Variants in MAEA observed in about 807,000 individuals in gnomAD.
MAEA encodes the protein E3 ubiquitin-protein transferase MAEA.
Under a neutral mutation model 46.2 loss-of-function variants are expected in MAEA, and 22 were observed. The ratio of observed to expected loss-of-function variants is 0.48; its 90% confidence interval spans 0.34 to 0.68. The LOEUF (loss-of-function observed/expected upper bound fraction) is 0.68, where lower values mean the gene tolerates loss of function less well. MAEA is among the 30% of genes least tolerant of loss of function. MAEA has a pLI of 0.01. For synonymous variants in MAEA, 246 were observed against 222.6 expected, an observed-to-expected ratio of 1.11 and a Z score of -0.94; for missense variants, 393 against 558.1, an observed-to-expected ratio of 0.70 and a Z score of 2.98.
intron 4 of MAEA, among the ~76,000 whole-genome samples, chr4:1,325,768 G>T (rs1738735235): frequency 6.6e-6 from 1 of 152,148 alleles, no homozygotes; most frequent in African/African-American, 2.4e-5. Context: ...GCTGACCGAA[G>T]TCTGCCTGCT....
intron 1 of MAEA, among the ~76,000 whole-genome samples, chr4:1,290,431 C>T (rs79718265): frequency 0.012 from 1,841 of 152,304 alleles, 32 homozygotes; most frequent in African/African-American, 0.042. Flanking sequence ...GGAGAAACCT[C>T]ACGGCCTGAT....
chr4:1,293,085 G>A (rs1268581379), intron 1 of MAEA, among the ~76,000 whole-genome samples: 7 of 152,016 alleles, frequency 4.6e-5, no homozygotes, highest in Non-Finnish European at 7.4e-5. Flanking sequence ...TAGTAGAGAC[G>A]TGGTTTCTCC....
chr4:1,325,704 C>T (rs545352314), intron 4 of MAEA, among the ~76,000 whole-genome samples: 1 of 151,932 alleles, frequency 6.6e-6, no homozygotes, highest in South Asian at 2.1e-4. Flanking sequence ...TCTATCTCTT[C>T]CCGCTGGCCC....
At chr4:1,323,198 A>G (rs752447218) in intron 4 of MAEA, among the ~76,000 whole-genome samples, 19 of 151,544 alleles carry the variant, frequency 1.3e-4, no homozygotes, top group Admixed American at 3.9e-4. Flanking sequence ...ACCTGCCTCA[A>G]CCTCCCAAAG....
chr4:1,307,221 C>G (rs1001993353), intron 1 of MAEA, among the ~76,000 whole-genome samples: 1 of 152,202 alleles, frequency 6.6e-6, no homozygotes, highest in Non-Finnish European at 1.5e-5. Context: ...AGCGTAGACA[C>G]CGTTCCGTAA....
chr4:1,326,304 A>G (rs28412861), intron 4 of MAEA, among the ~76,000 whole-genome samples: 24,600 of 152,264 alleles, frequency 0.16, 2,601 homozygotes, highest in African/African-American at 0.3. Flanking sequence ...GTGAACCCAG[A>G]GTGACACGCG....
chr4:1,300,948 C>T (rs1203209022), intron 1 of MAEA, among the ~76,000 whole-genome samples: 4 of 152,148 alleles, frequency 2.6e-5, no homozygotes, highest in East Asian at 1.9e-4. Flanking sequence ...AGGAAGCCAC[C>T]GTGATTACAT....
intron 1 of MAEA, among the ~76,000 whole-genome samples, chr4:1,304,725 C>T (rs1735671472): frequency 6.6e-6 from 1 of 152,178 alleles, no homozygotes; most frequent in South Asian, 2.1e-4. Flanking sequence ...AGGCATGAAC[C>T]ACCACGCCCG....
At chr4:1,298,158 C>G in intron 1 of MAEA, 1 of 444,814 alleles carries the variant, frequency 2.2e-6, no homozygotes, top group Non-Finnish European at 4.6e-6. Flanking sequence ...GCCCCCCATG[C>G]CTGCCCCGTC....
chr4:1,337,418 C>T (rs1712929796), intron 7 of MAEA: 2 of 238,824 alleles, frequency 8.4e-6, no homozygotes, highest in Admixed American at 5.5e-5. Context: ...CTGTCCCTGC[C>T]TGTGACTGAC....
intron 5 of MAEA, 167 bp from the exon 6 acceptor site, chr4:1,332,590 A>G: frequency 1.8e-6 from 1 of 565,824 alleles, no homozygotes; most frequent in Non-Finnish European, 3.2e-6. Flanking sequence ...GGTGCTGCAC[A>G]TCTGCGGTCT....
chr4:1,312,172 C>T lies in MAEA; in HGVS notation c.252+11C>T. Reference sequence around the variant, plus strand: ...GTCCTCAAGAGGAAGGTTGGTCCCGCCTGGCGGTCCCTCTTCAGTCTGGGG... The same window carrying T: ...GTCCTCAAGAGGAAGGTTGGTCCCGTCTGGCGGTCCCTCTTCAGTCTGGGG... On this transcript the variant is annotated intron_variant, in intron 2 of 8. Transcript: ENST00000303400. The T allele has an allele frequency of 6.2e-7, 1 of 1,613,758 alleles. No individual in the cohort carries two copies. Among genetic ancestry groups the T allele is most frequent in the Non-Finnish European group, 8.5e-7 (1 of 1,180,000 alleles).
chr4:1,336,191 TC>T (rs1712733177), intron 6 of MAEA, among the ~76,000 whole-genome samples: 1 of 150,378 alleles, frequency 6.6e-6, no homozygotes, highest in Admixed American at 6.6e-5. Flanking sequence ...ATCAGAGAGT[TC>T]CAGCACTCGT....
Position 1,338,575 on chromosome 4 carries a change from T to C in MAEA, c.1053T>C (p.Asn351=), listed in dbSNP as rs1577251897. ...CTGGCGACGTGATGAACGAGAACAA[T>C]CCGCCCATGATGCTGCCCAACGGCT... The part of the protein sequence containing the change: ...KISGDVMNEN[N]PPMMLPNGYV... The change falls in exon 8 of 9, where the codon AAT becomes AAC. Residue 351 remains asparagine, a synonymous_variant. Transcript: ENST00000303400. The C allele has an allele frequency of 6.2e-7, 1 of 1,612,930 alleles. No individual in the cohort carries two copies. Among genetic ancestry groups the C allele is most frequent in the Non-Finnish European group, 8.5e-7 (1 of 1,179,894 alleles).
intron 5 of MAEA, chr4:1,330,946 T>A (rs974949393): frequency 2.6e-5 from 4 of 152,164 alleles, no homozygotes; most frequent in Non-Finnish European, 5.9e-5. Flanking sequence ...GTTTGATTGA[T>A]GGTGAGATAA....
In MAEA at chr4:1,336,922, G is replaced by A. The variant is rs1712843636; in HGVS notation, c.827G>A (p.Arg276Gln). The change falls in exon 7 of 9, where the codon CGA becomes CAA. Residue 276 changes from arginine (R) to glutamine (Q), a missense_variant. Around this residue, in one of 2 missense-constraint regions of MAEA, gnomAD observed 358 missense variants for 537.9 expected, o/e 0.67. Transcript: ENST00000303400. The stretch of plus-strand genomic sequence containing the variant: ...CAGCAGTTCCGGTACGACAACTACC[G>A]ACTACACCAGCTGGGAAACAATTCT... ...LIQQFRYDNYRLHQLGNNSVF... is the reference protein window; with the variant it reads ...LIQQFRYDNYQLHQLGNNSVF... The A allele has an allele frequency of 3.7e-6, 6 of 1,614,012 alleles. No individual in the cohort carries two copies. The highest frequency in any genetic ancestry group is 5.1e-6 in the Non-Finnish European group (6 of 1,180,008).
At chr4:1,324,225 TTGGATGCCTGG>T (rs1450865437) in intron 4 of MAEA, among the ~76,000 whole-genome samples, 6 of 150,318 alleles carry the variant, frequency 4.0e-5, no homozygotes, top group East Asian at 2.0e-4. Flanking sequence ...TGAGTTGAGA[TTGGATGCCTGG>T]TGGATGAGCG....
At chr4:1,329,695 TG>T (rs1739294646) in intron 5 of MAEA, 1 of 985,394 alleles carries the variant, frequency 1.0e-6, no homozygotes, top group African/African-American at 1.7e-5. Flanking sequence ...ACACGGGAGC[TG>T]GGCTGGGGTG....
At chr4:1,292,126 G>A (rs1179146281) in intron 1 of MAEA, among the ~76,000 whole-genome samples, 2 of 152,258 alleles carry the variant, frequency 1.3e-5, no homozygotes, top group Admixed American at 1.3e-4. Context: ...CAGGACCGGG[G>A]TTGTGGAAGG....
Sources: gnomAD v4.1 joint callset for allele counts (sites outside exome capture counted in the v4.1 genomes callset) on GRCh38, gnomAD v4.1.1 for gene constraint, gnomAD v4.1.1 regional missense constraint, MANE v1.5 for transcripts, NCBI Gene and HGNC (gene_info 2026-07-23, HGNC 2026-07-21) for gene names.